The following CFAP221 variants were observed in gnomAD, a reference collection of about 807,000 sequenced individuals.
CFAP221 encodes cilia- and flagella-associated protein 221.
CFAP221 carries 97 observed loss-of-function variants against 113.1 expected under a neutral mutation model. The ratio of observed to expected loss-of-function variants is 0.86; its 90% CI spans 0.73 to 1.02. The LOEUF (loss-of-function observed/expected upper bound fraction) is 1.02. Ranked by LOEUF, CFAP221 falls within the 50% of genes least tolerant of loss-of-function variation. CFAP221 has a pLI of 0.00. For synonymous variants in CFAP221, 331 were observed against 354.4 expected (o/e 0.93, Z 0.74); for missense variants, 1,025 against 1,013.4 (o/e 1.01, Z -0.16).
rs35631078 is a variant in CFAP221 at position 119,560,045 on chromosome 2, C to CTTTTTT, written c.426+34_426+39dup. 36 of 875,898 alleles carry CTTTTTT rather than the reference C, an allele frequency of 4.1e-5. No homozygotes were observed. Among genetic ancestry groups the CTTTTTT allele is most frequent in the East Asian group, 1.5e-4 (5 of 33,124 alleles). 54.3% of individuals were successfully genotyped at this position (875,898 alleles called of 1,614,324 possible). On this transcript the variant is annotated intron_variant, in intron 5 of 23. Transcript: ENST00000413369. ...CTGTAAGGTAGGTCTCTTAAAATTG[C>CTTTTTT]TTTTTTTTTTTTTTTTTTTTGATGG... is the stretch of plus-strand genomic sequence containing the variant.
chr2:119,632,259 A>T (rs1285615239), intron 19 of CFAP221, among the ~76,000 whole-genome samples: 3 of 152,224 alleles, frequency 2.0e-5, no homozygotes, highest in Non-Finnish European at 4.4e-5. Flanking sequence ...AAATATTTTT[A>T]ACAAAATTTT....
downstream of CFAP221, among the ~76,000 whole-genome samples, chr2:119,659,592 G>T (rs1313594311): frequency 6.6e-6 from 1 of 152,292 alleles, no homozygotes; most frequent in Non-Finnish European, 1.5e-5. Flanking sequence ...TTTAGTTTCT[G>T]GTTTATCCTT....
rs1358122415 is a variant in CFAP221 at position 119,584,813 on chromosome 2, G to C, written c.528-2306G>C. ...GCCTGAGAATCCTAAATGTTGGTAA[G>C]CAATAGAAACTCTCCTATTCTGCTA... On this transcript the variant is annotated intron_variant, in intron 6 of 23. Transcript: ENST00000413369. Among the ~76,000 whole-genome samples, 5 of 152,310 alleles carry C rather than the reference G, an allele frequency of 3.3e-5. No individual in the cohort carries two copies. In the East Asian group the frequency reaches 9.6e-4, roughly 29 times the overall value.
intron 6 of CFAP221, among the ~76,000 whole-genome samples, chr2:119,566,545 T>G (rs1028329315): frequency 2.0e-5 from 3 of 151,802 alleles, no homozygotes; most frequent in Admixed American, 6.6e-5. Context: ...TTCTCTGCCT[T>G]AGCATGAGTA....
downstream of CFAP221, among the ~76,000 whole-genome samples, chr2:119,657,279 C>T (rs1419181107): frequency 6.6e-6 from 1 of 152,164 alleles, no homozygotes; most frequent in African/African-American, 2.4e-5. Flanking sequence ...TCTTCATTAA[C>T]TCATTGATTC....
chr2:119,638,290 A>C lies in CFAP221; in HGVS notation c.2006A>C (p.His669Pro). 1 of 1,614,138 alleles carries C rather than the reference A, an allele frequency of 6.2e-7. No individual in the cohort carries two copies. Among genetic ancestry groups the C allele is most frequent in the South Asian group, 1.1e-5 (1 of 91,082 alleles). The change falls in exon 20 of 24, where the codon CAT becomes CCT. Residue 669 changes from histidine (H) to proline (P), a missense_variant. Transcript: ENST00000413369. ...NPNPGLFAVM[H>P]PLTYAETLID... ...AACCCAGGATTATTTGCTGTAATGC[A>C]TCCTCTGACCTATGCAGAAACGTTG...
chr2:119,587,311 T>C, intron 7 of CFAP221, 89 bp downstream of exon 7: 1 of 857,280 alleles, frequency 1.2e-6, no homozygotes, highest in Non-Finnish European at 1.7e-6. Context: ...TGATGAATTT[T>C]ACACATAACT....
At chr2:119,597,941 C>T (rs1684106253) in intron 7 of CFAP221, among the ~76,000 whole-genome samples, 1 of 152,120 alleles carries the variant, frequency 6.6e-6, no homozygotes, top group Non-Finnish European at 1.5e-5. Context: ...GCCTCCAGTC[C>T]TTCTGTTGCT....
intron 14 of CFAP221, among the ~76,000 whole-genome samples, chr2:119,624,209 G>A (rs1239547812): frequency 6.6e-6 from 1 of 152,184 alleles, no homozygotes; most frequent in Non-Finnish European, 1.5e-5. Flanking sequence ...AATGGGTGAA[G>A]TATATGAACG....
At position 119,656,571 on chromosome 2, in the gene CFAP221, G is replaced by GAAAAAAA; in HGVS notation, c.*102_*103insAAAAAAA. 1 of 742,298 alleles carries GAAAAAAA rather than the reference G, an allele frequency of 1.3e-6. No individual in the cohort carries two copies. 46.0% of individuals were successfully genotyped at this position (742,298 alleles called of 1,614,324 possible). A position where few individuals can be genotyped will look rare whatever the true frequency, so the allele number is the denominator to read the frequency against. On this transcript the variant is annotated 3_prime_UTR_variant, in exon 24 of 24. Coordinates refer to ENST00000413369, the MANE Select transcript of CFAP221 (RefSeq NM_001271049.2). ...GCCATCTCTGCAATTAAAGTTTCTG[G>GAAAAAAA]ATAAAAAAATGAAATGTAGAGGATG...
At chr2:119,554,500 T>C (rs1680644725) in intron 3 of CFAP221, among the ~76,000 whole-genome samples, 1 of 152,232 alleles carries the variant, frequency 6.6e-6, no homozygotes, top group Admixed American at 6.5e-5. Context: ...AAAACAAAAT[T>C]GTTAGCCTAA....
chr2:119,635,455 G>A (rs556279218), intron 19 of CFAP221, among the ~76,000 whole-genome samples: 1 of 152,256 alleles, frequency 6.6e-6, no homozygotes, highest in African/African-American at 2.4e-5. Context: ...TAAAAGTCTA[G>A]AACATCTGAA....
intron 14 of CFAP221, among the ~76,000 whole-genome samples, chr2:119,620,014 A>T (rs545634220): frequency 3.3e-5 from 5 of 152,210 alleles, no homozygotes; most frequent in South Asian, 2.1e-4. Context: ...AACTTGATGA[A>T]ATAAAGCGTG....
At chr2:119,657,126 C>T (rs1007366964), downstream of CFAP221, among the ~76,000 whole-genome samples, 13 of 152,286 alleles carry the variant, frequency 8.5e-5, no homozygotes, top group Admixed American at 5.2e-4. Context: ...TGACTGCCTT[C>T]ATATGCACAG....
chr2:119,562,179 C>T, intron 6 of CFAP221, 65 bp downstream of exon 6: 6 of 1,141,970 alleles, frequency 5.3e-6, no homozygotes, highest in Non-Finnish European at 7.3e-6. Context: ...TCATACAAAA[C>T]CTTAGACTTT....
Position 119,629,883 on chromosome 2 carries a change from T to C in CFAP221, c.1659T>C (p.Asp553=). Reference sequence around the variant, plus strand: ...CTCCTTTCACATTTTAGGCTCCTGATGGCCTTGGACTGGTCCCAATTAAGT... The same window carrying C: ...CTCCTTTCACATTTTAGGCTCCTGACGGCCTTGGACTGGTCCCAATTAAGT... The part of the protein sequence containing the change: ...PPQDSNELAP[D]GLGLVPIKSS... The change falls in exon 17 of 24, where the codon GAT becomes GAC. Residue 553 remains aspartate (D), a synonymous_variant. Coordinates refer to ENST00000413369, the MANE Select transcript of CFAP221 (RefSeq NM_001271049.2). The C allele has an allele frequency of 6.2e-7, 1 of 1,611,820 alleles. No homozygotes were observed. The highest frequency in any genetic ancestry group is 8.5e-7 in the Non-Finnish European group (1 of 1,178,516).
intron 7 of CFAP221, among the ~76,000 whole-genome samples, chr2:119,594,031 G>A (rs1008272717): frequency 2.0e-5 from 3 of 152,098 alleles, no homozygotes; most frequent in Non-Finnish European, 4.4e-5. Flanking sequence ...AGATTTGCAG[G>A]GGACAAACAT....
intron 21 of CFAP221, among the ~76,000 whole-genome samples, chr2:119,646,446 G>A (rs1186337363): frequency 1.3e-5 from 2 of 152,054 alleles, no homozygotes; most frequent in Non-Finnish European, 1.5e-5. Context: ...GAAGAGTGAC[G>A]AGGAGGTGCC....
chr2:119,645,467 A>G (rs1387913857), intron 21 of CFAP221, among the ~76,000 whole-genome samples: 1 of 150,694 alleles, frequency 6.6e-6, no homozygotes, highest in Non-Finnish European at 1.5e-5. Context: ...AAAAAGTGGC[A>G]TTCTAGATAT....
Sources: gnomAD v4.1 joint callset for allele counts (sites outside exome capture counted in the v4.1 genomes callset) on GRCh38, gnomAD v4.1.1 for gene constraint, MANE v1.5 for transcripts, NCBI Gene and HGNC (gene_info 2026-07-23, HGNC 2026-07-21) for gene names.